Variants in VPS13A observed in about 807,000 individuals in gnomAD.
VPS13A encodes vacuolar protein sorting 13 homolog A, also known as intermembrane lipid transfer protein VPS13A.
In VPS13A, 264 loss-of-function variants were observed where a neutral mutation model predicts 390.9. That is an observed-to-expected ratio of 0.68 (90% CI 0.61 to 0.75). VPS13A has a LOEUF of 0.75. Among genes scored for constraint, VPS13A ranks in the 30% least tolerant of loss-of-function variants. The pLI, the probability that VPS13A is intolerant of heterozygous loss-of-function variation, is 0.00. For synonymous variants in VPS13A, 1,231 were observed against 1,227.1 expected (o/e 1.00, Z -0.07); for missense variants, 3,409 against 3,733.9 (o/e 0.91, Z 2.27).
intron 5 of VPS13A, among the ~76,000 whole-genome samples, chr9:77,207,229 ATATATATATATATATATATATAT>A (rs202052599): frequency 0.022 from 2,195 of 98,742 alleles, 149 homozygotes; most frequent in African/African-American, 0.063. Context: ...ATATATATAT[ATATATATATATATATATATATAT>A]AAAACGTGTT....
chr9:77,351,867 CA>C, intron 53 of VPS13A, among the ~76,000 whole-genome samples: 1 of 151,412 alleles, frequency 6.6e-6, no homozygotes, highest in Non-Finnish European at 1.5e-5. Context: ...GACTCCGTCT[CA>C]AAAAAAACAA....
chr9:77,351,266 C>G (rs775438006), intron 52 of VPS13A, 51 bp from the exon 53 acceptor site: 1 of 1,599,972 alleles, frequency 6.3e-7, no homozygotes, highest in Non-Finnish European at 8.5e-7. Context: ...TTTTTTTAAT[C>G]TCTTCGTGTA....
chr9:77,372,082 T>C (rs1208558567), intron 67 of VPS13A, among the ~76,000 whole-genome samples: 7 of 151,116 alleles, frequency 4.6e-5, no homozygotes, highest in African/African-American at 1.2e-4. Context: ...TCCAAGTCTT[T>C]GCTATTGTGA....
chr9:77,335,545 T>C (rs957582233), intron 46 of VPS13A, among the ~76,000 whole-genome samples: 1 of 152,158 alleles, frequency 6.6e-6, no homozygotes, highest in African/African-American at 2.4e-5. Flanking sequence ...AGGTGAAGGA[T>C]ATGAATAGAC....
chr9:77,206,185 G>C, intron 5 of VPS13A, 106 bp downstream of exon 5: 3 of 848,656 alleles, frequency 3.5e-6, no homozygotes, highest in Non-Finnish European at 5.6e-6. Flanking sequence ...GATTATTTCA[G>C]AAATATGATA....
chr9:77,373,711 G>A (rs982068428), intron 67 of VPS13A, among the ~76,000 whole-genome samples: 7 of 151,478 alleles, frequency 4.6e-5, no homozygotes, highest in Non-Finnish European at 1.0e-4. Flanking sequence ...CCTACAAAAT[G>A]GGAGAAAATT....
intron 23 of VPS13A, among the ~76,000 whole-genome samples, chr9:77,269,166 A>AT (rs761782097): frequency 2.6e-5 from 4 of 151,878 alleles, no homozygotes; most frequent in Non-Finnish European, 5.9e-5. Context: ...GGTCAAGAAG[A>AT]TTTTTCCCTA....
chr9:77,207,931 A>G (rs906837973), intron 5 of VPS13A, among the ~76,000 whole-genome samples: 1 of 152,158 alleles, frequency 6.6e-6, no homozygotes, highest in Non-Finnish European at 1.5e-5. Context: ...AGATATAGGC[A>G]TTGATATGCT....
At chr9:77,364,388 G>A (rs1382970907) in intron 59 of VPS13A, among the ~76,000 whole-genome samples, 2 of 152,046 alleles carry the variant, frequency 1.3e-5, no homozygotes, top group Non-Finnish European at 2.9e-5. Flanking sequence ...TCGCGCCACT[G>A]CACTCCAGCC....
intron 71 of VPS13A, among the ~76,000 whole-genome samples, chr9:77,410,882 G>T (rs529830082): frequency 1.3e-5 from 2 of 151,930 alleles, no homozygotes; most frequent in African/African-American, 4.8e-5. Flanking sequence ...TTAGATCAAC[G>T]AGACAAAGTT....
intron 1 of VPS13A, among the ~76,000 whole-genome samples, chr9:77,195,736 CAAAAAAGAAA>C (rs1824959214): frequency 6.6e-6 from 1 of 150,476 alleles, no homozygotes; most frequent in African/African-American, 2.4e-5. Flanking sequence ...GACTCCGTCT[CAAAAAAGAAA>C]AAAAAAGAAA....
intron 71 of VPS13A, among the ~76,000 whole-genome samples, chr9:77,413,180 T>G (rs369395516): frequency 0.039 from 5,902 of 152,228 alleles, 315 homozygotes; most frequent in African/African-American, 0.12. Context: ...CCAAGGTAAT[T>G]TATAGATTCA....
chr9:77,340,464 T>A lies in VPS13A; in HGVS notation c.6940T>A (p.Phe2314Ile). ...TACTAGAATTGTGACATTTACCCCT[T>A]TTTATATGATTAAAAACAAAAGCAA... ...NITRIVTFTP[F>I]YMIKNKSKYH... The change falls in exon 50 of 72, where the codon TTT becomes ATT. Residue 2314 changes from phenylalanine to isoleucine, a missense_variant. Physicochemically the swap from Phe to Ile is conservative, Grantham distance 21. This residue lies in a region of VPS13A where 2,717 missense variants were observed against 2,917.4 expected (regional missense o/e 0.93). Transcript: ENST00000360280. 2 of 1,613,522 alleles carry A rather than the reference T, an allele frequency of 1.2e-6. No homozygotes were observed. Among genetic ancestry groups the A allele is most frequent in the Non-Finnish European group, 1.7e-6 (2 of 1,179,670 alleles).
chr9:77,250,965 G>C (rs1262336109), intron 21 of VPS13A, among the ~76,000 whole-genome samples: 1 of 152,162 alleles, frequency 6.6e-6, no homozygotes, highest in Non-Finnish European at 1.5e-5. Context: ...CTGTTGAAGA[G>C]ATCCATATGT....
Position 77,207,236 on chromosome 9 carries a change from TATATATATATATATATAA to T in VPS13A, c.385+1159_385+1176del, listed in dbSNP as rs1379122112. On this transcript the variant is annotated intron_variant, in intron 5 of 71. Transcript: ENST00000360280. The stretch of plus-strand genomic sequence containing the variant: ...TATTATATATATATATATATATATA[TATATATATATATATATAA>T]AACGTGTTATATGTAACATAACATG... Among the ~76,000 whole-genome samples, 7 of 88,936 alleles carry T rather than the reference TATATATATATATATATAA, an allele frequency of 7.9e-5. 1 individual carries two copies. The East Asian group carries it at 2.3e-3, about 29-fold the overall frequency. The allele number at this position is 88,936 out of a possible 152,430, so 58.3% of individuals were successfully genotyped here.
intron 46 of VPS13A, among the ~76,000 whole-genome samples, chr9:77,332,676 A>G (rs1484325312): frequency 1.3e-5 from 2 of 152,176 alleles, no homozygotes; most frequent in Admixed American, 6.5e-5. Flanking sequence ...TAGATTTTAT[A>G]TCATAACAAG....
At chr9:77,368,200 A>G (rs998125045) in intron 62 of VPS13A, 64 bp downstream of exon 62, 12 of 1,302,748 alleles carry the variant, frequency 9.2e-6, no homozygotes, top group Non-Finnish European at 1.3e-5. Context: ...TTTTGTGTCT[A>G]TACATATATA....
intron 32 of VPS13A, among the ~76,000 whole-genome samples, chr9:77,293,970 C>T (rs577752439): frequency 6.6e-6 from 1 of 152,128 alleles, no homozygotes; most frequent in Non-Finnish European, 1.5e-5. Flanking sequence ...GTGGCATGAT[C>T]GTAGCTCATT....
chr9:77,356,860 A>G lies in VPS13A; in HGVS notation c.7799A>G (p.Asn2600Ser). Residue 2600 changes from asparagine (N) to serine (S), a missense_variant, in exon 55 of 72, where the codon AAT becomes AGT. Transcript: ENST00000360280. ...GATAAGGTTATTCAGTTGGACACTA[A>G]TGTTCCGGTAATATTTTTAAGTACT... ...SEDKVIQLDT[N>S]VPVRLTPTGH... The G allele has an allele frequency of 6.2e-7, 1 of 1,613,714 alleles. No individual in the cohort carries two copies. The highest frequency in any genetic ancestry group is 8.5e-7 in the Non-Finnish European group (1 of 1,179,888).
Sources: gnomAD v4.1 joint callset for allele counts (sites outside exome capture counted in the v4.1 genomes callset) on GRCh38, gnomAD v4.1.1 for gene constraint, gnomAD v4.1.1 regional missense constraint, MANE v1.5 for transcripts, NCBI Gene and HGNC (gene_info 2026-07-23, HGNC 2026-07-21) for gene names.